Variants in TUT7 observed in about 807,000 individuals in gnomAD.
TUT7 encodes terminal uridylyl transferase 7, also known as terminal uridylyltransferase 7.
In TUT7, 33 loss-of-function variants were observed where a neutral mutation model predicts 165.9. The ratio of observed to expected loss-of-function variants is 0.20; its 90% CI spans 0.15 to 0.27. The LOEUF is 0.27. Ranked by LOEUF, TUT7 falls within the 10% of genes least tolerant of loss-of-function variation. The pLI is 1.00. For missense variants in TUT7, 1,338 were observed against 1,762.3 expected (o/e 0.76, Z 4.31); for synonymous variants, 552 against 608.1 (o/e 0.91, Z 1.36).
chr9:86,330,711 A>C (rs1414446607), intron 10 of TUT7, among the ~76,000 whole-genome samples: 2 of 152,130 alleles, frequency 1.3e-5, no homozygotes, highest in Non-Finnish European at 1.5e-5. Context: ...TTTAACTTTT[A>C]CATTTAGGTC....
chr9:86,303,184 T>C lies in TUT7; in HGVS notation c.3996A>G (p.Pro1332=). 1.3e-6 allele frequency: 2 copies of C among 1,597,744 alleles called. No individual in the cohort carries two copies. The highest frequency in any genetic ancestry group is 1.3e-5 in the African/African-American group (1 of 74,164). ...CCAGCTCTCCTTCAGTTAACACATCTGGATCAAAAAAGTATTCCTAGAAGA... is the reference window on the plus strand; with the variant it reads ...CCAGCTCTCCTTCAGTTAACACATCCGGATCAAAAAAGTATTCCTAGAAGA... The part of the protein sequence containing the change: ...YPSKMEYFFD[P]DVLTEGELAP... Residue 1332 remains proline (P), a synonymous_variant, in exon 25 of 27, where the codon CCA becomes CCG. Transcript: ENST00000375963.
Position 86,325,302 on chromosome 9 carries a change from T to TG in TUT7, c.1789+31dup, listed in dbSNP as rs527945606. ...AGACTGGTACCTTTAAAAAAAAGAG[T>TG]GGGGGGGAATAAGATAAACATTTTG... On this transcript the variant is annotated intron_variant, in intron 12 of 26. Coordinates refer to ENST00000375963, the MANE Select transcript of TUT7 (RefSeq NM_024617.4). 2.8e-5 allele frequency: 44 copies of TG among 1,585,570 alleles called. No homozygotes were observed. The East Asian group carries it at 3.8e-4, about 14-fold the overall frequency.
Position 86,354,405 on chromosome 9 carries a change from C to T in TUT7, c.-166G>A, listed in dbSNP as rs1832569564. ...CCACCTTCGCCGCGGTCCCCAGCCT[C>T]TTCCTGTCCCGGCCGGGCTCCCTCT... On this transcript the variant is annotated 5_prime_UTR_variant, in exon 1 of 27. Transcript: ENST00000375963. 1 of 153,088 alleles carries T rather than the reference C, an allele frequency of 6.5e-6. No individual in the cohort carries two copies. Among genetic ancestry groups the T allele is most frequent in the Admixed American group, 6.5e-5 (1 of 15,294 alleles). The allele number at this position is 153,088 out of a possible 1,614,324, so 9.5% of individuals were successfully genotyped here.
intron 4 of TUT7, among the ~76,000 whole-genome samples, chr9:86,345,410 T>C (rs534017328): frequency 1.3e-5 from 2 of 152,326 alleles, no homozygotes; most frequent in African/African-American, 4.8e-5. Context: ...CAAACATTGT[T>C]TGCTTTAATA....
At position 86,340,080 on chromosome 9, in the gene TUT7, G is replaced by T; in HGVS notation, c.1164C>A (p.Asp388Glu). ...CCACCACTGGCACCCTAGCATGGAA[G>T]TCTGCATCAACATCAATAAAGGAGT... is the stretch of plus-strand genomic sequence containing the variant. ...NSDSFIDVDADFHARVPVVVC... is the reference protein window; with the variant it reads ...NSDSFIDVDAEFHARVPVVVC... Residue 388 changes from aspartate to glutamate, a missense_variant, in exon 8 of 27, where the codon GAC becomes GAA. By Grantham distance (45) the Asp-to-Glu change is conservative (BLOSUM62 2). Around this residue, in one of 7 missense-constraint regions of TUT7, gnomAD observed 434 missense variants for 480.8 expected, o/e 0.90. Transcript: ENST00000375963. 6.2e-7 allele frequency: 1 copy of T among 1,613,868 alleles called. No individual in the cohort carries two copies. The highest frequency in any genetic ancestry group is 8.5e-7 in the Non-Finnish European group (1 of 1,179,838).
chr9:86,326,158 G>T (rs932257121), intron 11 of TUT7, among the ~76,000 whole-genome samples: 1 of 152,194 alleles, frequency 6.6e-6, no homozygotes, highest in African/African-American at 2.4e-5. Context: ...ATTCTGCCAC[G>T]TCATAGCTCT....
chr9:86,297,031 A>C (rs1359634505), intron 26 of TUT7, among the ~76,000 whole-genome samples: 2 of 152,230 alleles, frequency 1.3e-5, no homozygotes, highest in Non-Finnish European at 2.9e-5. Flanking sequence ...TTCCTGTAGT[A>C]AATTTAAGTT....
intron 26 of TUT7, among the ~76,000 whole-genome samples, chr9:86,295,889 A>G (rs1826273545): frequency 2.6e-5 from 4 of 152,112 alleles, no homozygotes; most frequent in Admixed American, 2.6e-4. Flanking sequence ...TTCTTTACCA[A>G]AAAAAGGGTA....
chr9:86,308,906 A>G (rs1227953069), intron 21 of TUT7, among the ~76,000 whole-genome samples: 1 of 152,220 alleles, frequency 6.6e-6, no homozygotes, highest in Non-Finnish European at 1.5e-5. Context: ...TCTTTAGCTC[A>G]TTGAAAGTCT....
At chr9:86,305,170 A>C in intron 23 of TUT7, 22 bp downstream of exon 23, 1 of 1,584,786 alleles carries the variant, frequency 6.3e-7, no homozygotes, top group East Asian at 2.3e-5. Flanking sequence ...AAAAAATAAA[A>C]TTGACAAACG....
At chr9:86,338,787 G>A in intron 9 of TUT7, 36 bp downstream of exon 9, 2 of 1,532,066 alleles carry the variant, frequency 1.3e-6, no homozygotes, top group Non-Finnish European at 1.8e-6. Flanking sequence ...TTATACATAT[G>A]TAGAATGTAT....
rs977988472 is a variant in TUT7 at position 86,330,533 on chromosome 9, C to A, written c.1456-2041G>T. 9.2e-5 allele frequency among the ~76,000 whole-genome samples: 14 copies of A among 152,330 alleles called. No individual in the cohort carries two copies. The East Asian group carries it at 1.2e-3, about 13-fold the overall frequency. ...TGTATGTATTCAATATTTTTCTCAA[C>A]TGGGTAGCTTGAGTTTTTGTTTATT... On this transcript the variant is annotated intron_variant, in intron 10 of 26. Coordinates refer to ENST00000375963, the MANE Select transcript of TUT7 (RefSeq NM_024617.4).
rs1210673432 is a variant in TUT7, at chr9:86,340,112, AAAG to A, written c.1139-10_1139-8del. The A allele has an allele frequency of 3.7e-6, 6 of 1,610,988 alleles. No individual in the cohort carries two copies. Among genetic ancestry groups the A allele is most frequent in the South Asian group, 3.3e-5 (3 of 90,856 alleles). On this transcript the variant is annotated splice_polypyrimidine_tract_variant and splice_region_variant and intron_variant, in intron 7 of 26. Transcript: ENST00000375963. ...TCAACATCAATAAAGGAGTCTGAGG[AAAG>A]AAGAAGAAAAATATTAAGTTGGTTA...
intron 26 of TUT7, among the ~76,000 whole-genome samples, chr9:86,295,660 T>C (rs887763387): frequency 2.6e-5 from 4 of 152,156 alleles, no homozygotes; most frequent in African/African-American, 7.2e-5. Context: ...AAGCTTATTA[T>C]CATAAAGAAC....
At chr9:86,291,463 C>A (rs568472189) in intron 26 of TUT7, among the ~76,000 whole-genome samples, 2 of 150,736 alleles carry the variant, frequency 1.3e-5, no homozygotes, top group Non-Finnish European at 2.9e-5. Flanking sequence ...CCCAGCCATT[C>A]GAGAGACAGG....
In TUT7 at chr9:86,311,886, T is replaced by C. The variant is rs1039586798; in HGVS notation, c.3275-1077A>G. Reference sequence around the variant, plus strand: ...ATCCGCCAGCCTTGGCCTCCGGAGGTGCCGGGATTGCAGACGGAGTCTCGT... The same window carrying C: ...ATCCGCCAGCCTTGGCCTCCGGAGGCGCCGGGATTGCAGACGGAGTCTCGT... On this transcript the variant is annotated intron_variant, in intron 17 of 26. Coordinates refer to ENST00000375963, the MANE Select transcript of TUT7 (RefSeq NM_024617.4). This position sits in a 1 kb window ranked among gnomAD's most constrained non-coding sequence, Gnocchi z 4.4. Among the ~76,000 whole-genome samples, 4 of 152,114 alleles carry C rather than the reference T, an allele frequency of 2.6e-5. No individual in the cohort carries two copies. The highest frequency in any genetic ancestry group is 9.7e-5 in the African/African-American group (4 of 41,424).
In TUT7 at chr9:86,352,932, T is replaced by A. The variant is rs1326745314; in HGVS notation, c.268A>T (p.Met90Leu). The A allele has an allele frequency of 6.2e-7, 1 of 1,614,240 alleles. No homozygotes were observed. Among genetic ancestry groups the A allele is most frequent in the Non-Finnish European group, 8.5e-7 (1 of 1,180,048 alleles). Residue 90 changes from methionine to leucine, a missense_variant, in exon 2 of 27, where the codon ATG becomes TTG. Around this residue, in one of 7 missense-constraint regions of TUT7, gnomAD observed 434 missense variants for 480.8 expected, o/e 0.90. Transcript: ENST00000375963. ...CTCTGATCTTTGTGGCTGTCATTCA[T>A]CCAAGCGGGTTGACTGTAGATTGGG... ...KNPIYSQPAWMNDSHKDQSKR... is the reference protein window; with the variant it reads ...KNPIYSQPAWLNDSHKDQSKR...
At chr9:86,319,792 C>A (rs1829067432) in intron 14 of TUT7, 122 bp from the exon 15 acceptor site, 1 of 689,572 alleles carries the variant, frequency 1.5e-6, no homozygotes, top group South Asian at 1.8e-5. Context: ...ATTCCTAAAT[C>A]ATTGTGTCTT....
intron 10 of TUT7, among the ~76,000 whole-genome samples, chr9:86,335,590 T>G (rs889452218): frequency 2.6e-5 from 4 of 152,202 alleles, no homozygotes; most frequent in African/African-American, 9.6e-5. Flanking sequence ...TTTCAGGCAC[T>G]ACTACAATGA....
Sources: allele counts gnomAD v4.1 joint callset (sites outside exome capture counted in the v4.1 genomes callset), GRCh38; gene constraint gnomAD v4.1.1; regional missense constraint gnomAD v4.1.1; non-coding constraint Gnocchi (gnomAD v3.1); transcripts MANE v1.5; gene names NCBI Gene and HGNC (gene_info 2026-07-23, HGNC 2026-07-21).